Variants in CCDC73 observed in about 807,000 individuals in gnomAD.
The protein encoded by CCDC73 is coiled-coil domain-containing protein 73.
A neutral mutation model predicts 116.5 loss-of-function variants in CCDC73; 95 were observed. That is an observed-to-expected ratio of 0.82 (90% CI 0.69 to 0.97). CCDC73 has a LOEUF of 0.97. Ranked by LOEUF, CCDC73 falls within the 50% of genes least tolerant of loss-of-function variation. The pLI is 0.00. For synonymous variants in CCDC73, 398 were observed against 401.3 expected (o/e 0.99, Z 0.10); for missense variants, 1,066 against 1,206.8 (o/e 0.88, Z 1.73).
intron 3 of CCDC73, among the ~76,000 whole-genome samples, chr11:32,707,992 T>C (rs1010206074): frequency 6.6e-6 from 1 of 152,178 alleles, no homozygotes; most frequent in African/African-American, 2.4e-5. Context: ...TCTAGAAGGG[T>C]TTTTCCAGAA....
At chr11:32,661,058 C>T (rs776695202) in intron 9 of CCDC73, among the ~76,000 whole-genome samples, 1 of 151,996 alleles carries the variant, frequency 6.6e-6, no homozygotes, top group Non-Finnish European at 1.5e-5. Flanking sequence ...TACATTTGGG[C>T]ATGTCATGGT....
At chr11:32,704,999 T>C (rs1387973815) in intron 3 of CCDC73, among the ~76,000 whole-genome samples, 4 of 152,152 alleles carry the variant, frequency 2.6e-5, no homozygotes, top group African/African-American at 4.8e-5. Context: ...ACCCACCAGA[T>C]GGCAGGAGCA....
At chr11:32,662,343 CCT>C (rs1440440762) in intron 9 of CCDC73, among the ~76,000 whole-genome samples, 2 of 152,118 alleles carry the variant, frequency 1.3e-5, no homozygotes, top group Non-Finnish European at 2.9e-5. Flanking sequence ...CTCTCCAGCT[CCT>C]GTTGTTTCCT....
chr11:32,790,481 A>G (rs1850665067), intron 1 of CCDC73, among the ~76,000 whole-genome samples: 3 of 152,206 alleles, frequency 2.0e-5, no homozygotes, highest in Admixed American at 2.0e-4. Context: ...ATGTTTGAAG[A>G]AGGCTTATTA....
At chr11:32,806,318 T>C in the CCDC73 span, among the ~76,000 whole-genome samples, 1 of 152,106 alleles carries the variant, frequency 6.6e-6, no homozygotes, top group Admixed American at 6.6e-5. Flanking sequence ...GGAAAAATCA[T>C]GGAGAAAAAA....
intron 9 of CCDC73, among the ~76,000 whole-genome samples, chr11:32,675,056 A>G (rs1326449463): frequency 1.3e-5 from 2 of 151,950 alleles, no homozygotes; most frequent in African/African-American, 4.8e-5. Context: ...CTTACCCCCA[A>G]TCTAATAAAG....
chr11:32,718,040 T>G (rs750818054), intron 3 of CCDC73, 36 bp downstream of exon 3: 4 of 1,421,622 alleles, frequency 2.8e-6, no homozygotes, highest in Non-Finnish European at 2.9e-6. Context: ...AAGATGAGAT[T>G]TGGCTGGGGA....
chr11:32,607,459 C>A (rs909720245), intron 17 of CCDC73, among the ~76,000 whole-genome samples: 3 of 152,116 alleles, frequency 2.0e-5, no homozygotes, highest in African/African-American at 7.2e-5. Context: ...AAAAGAACTC[C>A]CCTATTAGAT....
chr11:32,723,873 T>G (rs1390053107), intron 2 of CCDC73, among the ~76,000 whole-genome samples: 1 of 152,122 alleles, frequency 6.6e-6, no homozygotes, highest in African/African-American at 2.4e-5. Flanking sequence ...TGACATTTAA[T>G]AAGAATTTTT....
intron 7 of CCDC73, 32 bp from the exon 8 acceptor site, chr11:32,676,053 A>C: frequency 1.3e-6 from 2 of 1,534,482 alleles, no homozygotes; most frequent in Non-Finnish European, 1.8e-6. Flanking sequence ...AATGTTATAC[A>C]TATAACACAC....
At position 32,675,913 on chromosome 11, in the gene CCDC73, C is replaced by T; in HGVS notation, c.538G>A (p.Glu180Lys). The T allele has an allele frequency of 6.2e-7, 1 of 1,605,826 alleles. No individual in the cohort carries two copies. Among genetic ancestry groups the T allele is most frequent in the Non-Finnish European group, 8.5e-7 (1 of 1,176,898 alleles). Residue 180 changes from glutamate (E) to lysine (K), a missense_variant, in exon 8 of 18, where the codon GAG becomes AAG. Glu to Lys is a moderately conservative substitution (Grantham distance 56). Transcript: ENST00000335185. Reference protein sequence around the residue: ...TITGQFGLVKENHEKLEQNVR... With the variant: ...TITGQFGLVKKNHEKLEQNVR... ...TTTTGTTCTAACTTTTCATGATTCT[C>T]TTTTACCAATCCAAATTGACCTGTT...
chr11:32,614,889 G>A lies in CCDC73; in HGVS notation c.1429C>T (p.Gln477Ter), dbSNP rs537260612. The A allele has an allele frequency of 1.9e-6, 3 of 1,611,092 alleles. No homozygotes were observed. Among genetic ancestry groups the A allele is most frequent in the African/African-American group, 2.7e-5 (2 of 74,924 alleles). ...GAGATTTCACTTTGATTTTCATCCT[G>A]AGAAACAACAGTATCAATTTCATTC... is the stretch of plus-strand genomic sequence containing the variant. ...FKNEIDTVVS[Q>*]DENQSEISLS... The change falls in exon 16 of 18, where the codon CAG becomes TAG. Residue 477 changes from glutamine (Q) to a stop codon, truncating the protein, a stop_gained. Coordinates refer to ENST00000335185, the MANE Select transcript of CCDC73 (RefSeq NM_001008391.4). LOFTEE classifies it high-confidence loss of function.
At chr11:32,708,577 T>C (rs1849874100) in intron 3 of CCDC73, among the ~76,000 whole-genome samples, 1 of 152,188 alleles carries the variant, frequency 6.6e-6, no homozygotes. Context: ...CTGTGATTTC[T>C]TTCAGTGGTG....
upstream of CCDC73, among the ~76,000 whole-genome samples, chr11:32,794,839 T>G (rs1346356341): frequency 6.7e-6 from 1 of 150,328 alleles, no homozygotes; most frequent in Non-Finnish European, 1.5e-5. Context: ...TATATATTCT[T>G]TTTTGTTTTT....
At chr11:32,806,682 T>C in the CCDC73 span, among the ~76,000 whole-genome samples, 64 of 149,612 alleles carry the variant, frequency 4.3e-4, no homozygotes, top group South Asian at 6.3e-3. Context: ...GTCTTCCAAA[T>C]AGACTTCTTT....
chr11:32,667,823 C>A (rs1856000792), intron 9 of CCDC73, among the ~76,000 whole-genome samples: 1 of 152,146 alleles, frequency 6.6e-6, no homozygotes, highest in Non-Finnish European at 1.5e-5. Context: ...ACAATGTCCC[C>A]TTTTAATAAA....
intron 14 of CCDC73, among the ~76,000 whole-genome samples, chr11:32,627,029 G>A (rs1590552884): frequency 6.6e-6 from 1 of 152,118 alleles, no homozygotes; most frequent in Non-Finnish European, 1.5e-5. Context: ...AGAGTGAACA[G>A]GCAACCTACA....
At chr11:32,756,656 C>G (rs1283312776) in intron 2 of CCDC73, among the ~76,000 whole-genome samples, 1 of 151,754 alleles carries the variant, frequency 6.6e-6, no homozygotes, top group Non-Finnish European at 1.5e-5. Flanking sequence ...TGTAGTTGGT[C>G]AGTATCTTTA....
At chr11:32,705,164 G>A (rs115293197) in intron 3 of CCDC73, among the ~76,000 whole-genome samples, 2,577 of 152,298 alleles carry the variant, frequency 0.017, 75 homozygotes, top group African/African-American at 0.057. Context: ...CAGGAGCCGC[G>A]GGCTGAAGCA....
Sources: gnomAD v4.1 joint callset for allele counts (sites outside exome capture counted in the v4.1 genomes callset) on GRCh38, gnomAD v4.1.1 for gene constraint, MANE v1.5 for transcripts, NCBI Gene and HGNC (gene_info 2026-07-23, HGNC 2026-07-21) for gene names.